Variants in DMD observed in about 807,000 individuals in gnomAD.
DMD encodes mutant dystrophin.
A neutral mutation model predicts 330.1 loss-of-function variants in DMD; 63 were observed. The observed-to-expected ratio is 0.19, with a 90% CI of 0.16 to 0.24. The LOEUF is 0.24. DMD is among the 10% of genes least tolerant of loss of function. The pLI is 1.00. For missense variants in DMD, 3,344 were observed against 2,684.1 expected, an observed-to-expected ratio of 1.25 and a Z score of -5.43; for synonymous variants, 1,223 against 959.8, an observed-to-expected ratio of 1.27 and a Z score of -5.07.
chrX:31,445,207 T>C (rs929394432), intron 59 of DMD, among the ~76,000 whole-genome samples: 1 of 111,887 alleles, frequency 8.9e-6, no homozygotes, highest in African/African-American at 3.2e-5. Context: ...TGATGAGCTC[T>C]ATTCATACAT....
intron 59 of DMD, among the ~76,000 whole-genome samples, chrX:31,445,607 G>C (rs772469607): frequency 9.0e-6 from 1 of 111,618 alleles, no homozygotes; most frequent in East Asian, 2.8e-4. Flanking sequence ...GTTTCATTTA[G>C]GGAGTAGGGT....
chrX:31,605,968 C>T (rs1401618749), intron 55 of DMD, among the ~76,000 whole-genome samples: 1 of 111,238 alleles, frequency 9.0e-6, no homozygotes. Context: ...GTGTCCCCAC[C>T]CCACAATCTC....
intron 53 of DMD, among the ~76,000 whole-genome samples, chrX:31,661,422 G>A (rs999205263): frequency 1.1e-4 from 12 of 109,117 alleles, no homozygotes; most frequent in Admixed American, 3.9e-4. Context: ...TTTCTCCTAC[G>A]GTAATATTCT....
chrX:31,762,953 T>G (rs1408435577), intron 51 of DMD, among the ~76,000 whole-genome samples: 1 of 112,512 alleles, frequency 8.9e-6, no homozygotes, highest in Non-Finnish European at 1.9e-5. Flanking sequence ...AAGATAAACA[T>G]ATATATGAAT....
Position 33,125,023 on chromosome X carries a change from T to TAA in DMD, c.31+86257_31+86258dup, listed in dbSNP as rs59232009. On this transcript the variant is annotated intron_variant, in intron 1 of 78. Transcript: ENST00000357033. ...TGGGCAACAAGAGCGAAAGTCCATC[T>TAA]AAAAAAAAAAAAAAAAAAAAAAAAA... Among the ~76,000 whole-genome samples the TAA allele has an allele frequency of 5.2e-3, 145 of 27,863 alleles. 2 individuals carry two copies. Among genetic ancestry groups the TAA allele is most frequent in the African/African-American group, 0.015 (120 of 8,097 alleles). The allele number at this position is 27,863 out of a possible 115,157, so 24.2% of individuals were successfully genotyped here.
intron 21 of DMD, among the ~76,000 whole-genome samples, chrX:32,480,714 C>A (rs1406608579): frequency 9.1e-6 from 1 of 109,710 alleles, no homozygotes; most frequent in Non-Finnish European, 1.9e-5. Context: ...ATAGCTTTAA[C>A]TTGGCATTTA....
intron 1 of DMD, among the ~76,000 whole-genome samples, chrX:33,088,166 C>T (rs2095034898): frequency 1.8e-5 from 2 of 111,183 alleles, no homozygotes; most frequent in African/African-American, 6.5e-5. Flanking sequence ...AGCAATTCTC[C>T]TGTCTCAGCC....
chrX:33,225,083 C>T (rs899998568), intron 1 of DMD, among the ~76,000 whole-genome samples: 4 of 110,746 alleles, frequency 3.6e-5, no homozygotes, highest in Admixed American at 9.7e-5. Flanking sequence ...ATATTGTGCT[C>T]GTGGATTGAG....
chrX:31,562,211 C>T lies in DMD; in HGVS notation c.8218-54758G>A, dbSNP rs936162268. 3.6e-5 allele frequency among the ~76,000 whole-genome samples: 4 copies of T among 111,760 alleles called. No individual in the cohort carries two copies. In the Admixed American group the frequency reaches 3.8e-4, roughly 11 times the overall value. ...ATTCCATAACATATTCAATAATTTC[C>T]ACACTGAAGGGTATTTGCTTGATTT... On this transcript the variant is annotated intron_variant, in intron 55 of 78. Transcript: ENST00000357033.
chrX:31,160,095 A>G (rs2148072827), intron 74 of DMD, among the ~76,000 whole-genome samples: 1 of 111,846 alleles, frequency 8.9e-6, no homozygotes, highest in East Asian at 2.8e-4. Context: ...ATGAAGCTAA[A>G]GGTGCTGTCT....
intron 9 of DMD, among the ~76,000 whole-genome samples, chrX:32,670,451 G>A (rs773941983): frequency 2.1e-4 from 24 of 111,826 alleles, no homozygotes; most frequent in African/African-American, 7.5e-4. Flanking sequence ...ATTTTACTCT[G>A]CCTCTTACTA....
At chrX:32,468,972 A>C (rs1014092595) in intron 22 of DMD, among the ~76,000 whole-genome samples, 1 of 110,960 alleles carries the variant, frequency 9.0e-6, no homozygotes, top group African/African-American at 3.3e-5. Context: ...TATATCTTAC[A>C]GAGCCAAAAA....
intron 64 of DMD, among the ~76,000 whole-genome samples, chrX:31,220,052 G>A (rs1345638425): frequency 2.7e-5 from 3 of 111,505 alleles, no homozygotes; most frequent in African/African-American, 9.8e-5. Flanking sequence ...CTGTACAGGT[G>A]TATAGCCTAG....
intron 44 of DMD, chrX:32,102,084 T>G (rs1242031729): frequency 9.0e-6 from 1 of 111,623 alleles, no homozygotes; most frequent in Non-Finnish European, 1.9e-5. Context: ...CACACCAGCC[T>G]AAACGCGCCC....
rs1221221747 is a variant in DMD, at chrX:32,761,502, GATT to G, written c.649+47988_649+47990del. ...CACACACATACACAATGATGATGATGATTATCTTTAAATGTGACAGGTCCACCC... is the reference window on the plus strand; with the variant it reads ...CACACACATACACAATGATGATGATGATCTTTAAATGTGACAGGTCCACCC... On this transcript the variant is annotated intron_variant, in intron 7 of 78. Transcript: ENST00000357033. Among the ~76,000 whole-genome samples, 4 of 112,247 alleles carry G rather than the reference GATT, an allele frequency of 3.6e-5. No homozygotes were observed. In the East Asian group the frequency reaches 1.1e-3, roughly 32 times the overall value.
chrX:31,598,457 T>C (rs2077207933), intron 55 of DMD, among the ~76,000 whole-genome samples: 2 of 111,525 alleles, frequency 1.8e-5, no homozygotes, highest in Non-Finnish European at 3.8e-5. Context: ...ACTTTTACAG[T>C]AGAAATACTC....
At chrX:33,230,280 C>T (rs1186142620) in intron 1 of DMD, among the ~76,000 whole-genome samples, 1 of 110,707 alleles carries the variant, frequency 9.0e-6, no homozygotes, top group Non-Finnish European at 1.9e-5. Context: ...TTTCTTTAGC[C>T]TACAGTTTTA....
At chrX:32,790,332 A>G (rs1378983067) in intron 7 of DMD, among the ~76,000 whole-genome samples, 2 of 111,983 alleles carry the variant, frequency 1.8e-5, no homozygotes, top group East Asian at 5.6e-4. Flanking sequence ...TTAGAGATGC[A>G]CAAAGGTACA....
intron 44 of DMD, among the ~76,000 whole-genome samples, chrX:32,184,748 C>CT (rs771975986): frequency 9.5e-6 from 1 of 105,640 alleles, no homozygotes; most frequent in South Asian, 4.1e-4. Context: ...AAATATAAGG[C>CT]TTTTTTTCTT....
Sources: allele counts gnomAD v4.1 joint callset (sites outside exome capture counted in the v4.1 genomes callset), GRCh38; gene constraint gnomAD v4.1.1; transcripts MANE v1.5; gene names NCBI Gene and HGNC (gene_info 2026-07-23, HGNC 2026-07-21).